USP6: variants seen among roughly 807,000 people sequenced by gnomAD.
The protein encoded by USP6 is ubiquitin specific peptidase 6, also known as ubiquitin carboxyl-terminal hydrolase 6.
In USP6, 128 loss-of-function variants were observed where a neutral mutation model predicts 175.7. The observed-to-expected ratio is 0.73, with a 90% CI of 0.63 to 0.84. USP6 has a LOEUF of 0.84. Among genes scored for constraint, USP6 ranks in the 40% least tolerant of loss-of-function variants. The pLI, the probability that USP6 is intolerant of heterozygous loss-of-function variation, is 0.00. For synonymous variants in USP6, 562 were observed against 630.6 expected, an observed-to-expected ratio of 0.89 and a Z score of 1.63; for missense variants, 1,498 against 1,760.3, an observed-to-expected ratio of 0.85 and a Z score of 2.67.
chr17:5,133,752 A>T, intron 14 of USP6, 135 bp from the exon 15 acceptor site: 4 of 1,190,894 alleles, frequency 3.4e-6, no homozygotes, highest in Non-Finnish European at 4.9e-6. Flanking sequence ...CAAGCCAAAA[A>T]GCAGCTTTCT....
At chr17:5,123,634 AGCAGGACAGGGACCC>A (rs1167976999) in intron 4 of USP6, among the ~76,000 whole-genome samples, 1 of 152,162 alleles carries the variant, frequency 6.6e-6, no homozygotes, top group Non-Finnish European at 1.5e-5. Flanking sequence ...GCGGGGAGCC[AGCAGGACAGGGACCC>A]GCAGAACGCA....
chr17:5,162,965 C>T lies in USP6; in HGVS notation c.2997C>T (p.Pro999=). ...CCTATATTGCTGTGGATTGGCACCCCACAGCCCTTCACCTTCGCTATCAAA... is the reference window on the plus strand; with the variant it reads ...CCTATATTGCTGTGGATTGGCACCCTACAGCCCTTCACCTTCGCTATCAAA... ...GNAYIAVDWH[P]TALHLRYQTS... is the part of the protein sequence containing the mutation. The change falls in exon 33 of 38, where the codon CCC becomes CCT. Residue 999 remains proline (P), a synonymous_variant. Coordinates refer to ENST00000574788, the MANE Select transcript of USP6 (RefSeq NM_001304284.2). 1 of 1,597,754 alleles carries T rather than the reference C, an allele frequency of 6.3e-7. No individual in the cohort carries two copies. The highest frequency in any genetic ancestry group is 8.5e-7 in the Non-Finnish European group (1 of 1,176,174).
chr17:5,132,373 G>A lies in USP6; in HGVS notation c.156-23G>A, dbSNP rs1251913341. 1.2e-6 allele frequency: 2 copies of A among 1,612,208 alleles called. No homozygotes were observed. The highest frequency in any genetic ancestry group is 2.2e-5 in the South Asian group (2 of 90,998). ...GCTCCAGGCCCTGTGCACGTCCTCA[G>A]CTCTGCCTGGGTTGCCTTACAGTGA... On this transcript the variant is annotated intron_variant, in intron 11 of 37. Transcript: ENST00000574788. The surrounding 1 kb of genome is among the most constrained non-coding windows in gnomAD (Gnocchi z 4.7).
Position 5,149,402 on chromosome 17 carries a change from C to CA in USP6, c.2643+644dup, listed in dbSNP as rs556262395. 1.2e-3 allele frequency among the ~76,000 whole-genome samples: 171 copies of CA among 148,354 alleles called. 2 individuals carry two copies. The East Asian group carries it at 0.012, about 10-fold the overall frequency. On this transcript the variant is annotated intron_variant, in intron 30 of 37. Coordinates refer to ENST00000574788, the MANE Select transcript of USP6 (RefSeq NM_001304284.2). ...TGGGTGGTAAAGCGAGACTTCATCT[C>CA]AAAAAAAAACAAAAACAAAAACAAA...
intron 36 of USP6, 91 bp from the exon 37 acceptor site, chr17:5,171,496 G>C (rs1428732443): frequency 1.7e-6 from 2 of 1,191,822 alleles, no homozygotes; most frequent in African/African-American, 3.1e-5. Flanking sequence ...TCATTTACAT[G>C]ATCAGTGTTC....
intron 30 of USP6, among the ~76,000 whole-genome samples, chr17:5,150,292 A>AAAAAAATT (rs2073728127): frequency 7.6e-6 from 1 of 131,542 alleles, no homozygotes; most frequent in Admixed American, 8.2e-5. Flanking sequence ...AACTCCGTCT[A>AAAAAAATT]AAAAAATAAA....
chr17:5,157,271 A>G (rs2073904135), intron 31 of USP6, among the ~76,000 whole-genome samples: 1 of 152,018 alleles, frequency 6.6e-6, no homozygotes, highest in South Asian at 2.1e-4. Flanking sequence ...TTTTCAGTAC[A>G]GGCAGGGTTT....
At chr17:5,120,451 G>A (rs1449891691) in intron 2 of USP6, among the ~76,000 whole-genome samples, 176 bp from the exon 3 acceptor site, 1 of 152,188 alleles carries the variant, frequency 6.6e-6, no homozygotes, top group Non-Finnish European at 1.5e-5. Flanking sequence ...AGCCCTGTAT[G>A]TTTGAGTAAT....
chr17:5,135,110 A>G, intron 15 of USP6, 124 bp from the exon 16 acceptor site: 1 of 1,092,402 alleles, frequency 9.2e-7, no homozygotes, highest in Middle Eastern at 2.0e-4. Flanking sequence ...CAGGCCCTGA[A>G]GAGCTCACTG....
Position 5,121,485 on chromosome 17 carries a change from G to A in USP6, c.-1564G>A. 1 of 240,876 alleles carries A rather than the reference G, an allele frequency of 4.2e-6. No homozygotes were observed. Among genetic ancestry groups the A allele is most frequent in the Non-Finnish European group, 8.2e-6 (1 of 122,070 alleles). 14.9% of individuals were successfully genotyped at this position (240,876 alleles called of 1,614,324 possible). ...GCAGAACCTGAGCCATCCCAGCTCA[G>A]CAAGGTAGGGCCTCTGTCCCCTCCC... is the stretch of plus-strand genomic sequence containing the variant. On this transcript the variant is annotated 5_prime_UTR_variant, in exon 4 of 38. Coordinates refer to ENST00000574788, the MANE Select transcript of USP6 (RefSeq NM_001304284.2).
At position 5,171,653 on chromosome 17, in the gene USP6, T is replaced by C. The variant is rs767677562; in HGVS notation, c.4021T>C (p.Tyr1341His). The change falls in exon 37 of 38, where the codon TAC becomes CAC. Residue 1341 changes from tyrosine (Y) to histidine (H), a missense_variant. Physicochemically the swap from Tyr to His is moderately conservative, Grantham distance 83 (BLOSUM62 2). This residue lies in a region of USP6 where 1,217 missense variants were observed against 1,500.8 expected (regional missense o/e 0.81). Coordinates refer to ENST00000574788, the MANE Select transcript of USP6 (RefSeq NM_001304284.2). The part of the protein sequence containing the change: ...TYAKNPNCKW[Y>H]CYNDSSCEEL... The stretch of plus-strand genomic sequence containing the variant: ...TGCCAAAAACCCAAACTGCAAGTGG[T>C]ACTGTTATAATGACAGCAGCTGTGA... The C allele has an allele frequency of 1.2e-5, 19 of 1,613,762 alleles. No homozygotes were observed. The East Asian group carries it at 4.2e-4, about 36-fold the overall frequency.
chr17:5,142,454 G>C lies in USP6; in HGVS notation c.1770G>C (p.Gln590His), dbSNP rs1421520635. 6.2e-7 allele frequency: 1 copy of C among 1,613,934 alleles called. No homozygotes were observed. Among genetic ancestry groups the C allele is most frequent in the Admixed American group, 1.7e-5 (1 of 60,016 alleles). Residue 590 changes from glutamine (Q) to histidine (H), a missense_variant, in exon 25 of 38, where the codon CAG becomes CAC. This residue lies in a region of USP6 where 1,217 missense variants were observed against 1,500.8 expected (regional missense o/e 0.81). Transcript: ENST00000574788. ...HMAKCYGDLV[Q>H]ELWSGTQKSV... ...CTAAATGCTATGGTGATTTAGTGCA[G>C]GAACTCTGGAGTGGAACTCAGAAGA... is the stretch of plus-strand genomic sequence containing the variant.
chr17:5,156,519 T>C (rs2073888661), intron 31 of USP6, among the ~76,000 whole-genome samples: 1 of 152,144 alleles, frequency 6.6e-6, no homozygotes, highest in Non-Finnish European at 1.5e-5. Flanking sequence ...TTGGTCAGGC[T>C]GGTCTCAAAT....
In USP6 at chr17:5,148,807, G is replaced by A. The variant is rs564134389; in HGVS notation, c.2643+40G>A. ...AGGCAACTCACTGCCAGTCTTGCTA[G>A]TGTCATTTGTGAAATAGCCATTTTC... On this transcript the variant is annotated intron_variant, in intron 30 of 37. Coordinates refer to ENST00000574788, the MANE Select transcript of USP6 (RefSeq NM_001304284.2). 128 of 1,596,098 alleles carry A rather than the reference G, an allele frequency of 8.0e-5. 1 individual carries two copies. In the South Asian group the frequency reaches 1.3e-3, roughly 17 times the overall value.
intron 19 of USP6, 114 bp downstream of exon 19, chr17:5,137,300 C>T (rs1598015644): frequency 3.6e-6 from 5 of 1,374,356 alleles, no homozygotes; most frequent in Non-Finnish European, 5.1e-6. Flanking sequence ...CAGGCGGGTC[C>T]CCGAAGGACA....
At chr17:5,120,946 C>T (rs2072642958) in intron 3 of USP6, among the ~76,000 whole-genome samples, 158 bp downstream of exon 3, 1 of 152,262 alleles carries the variant, frequency 6.6e-6, no homozygotes. Context: ...AAATGTGAGG[C>T]TCAGAGAGGA....
At chr17:5,141,543 A>G (rs2073448217) in intron 23 of USP6, 44 bp downstream of exon 23, 1 of 1,499,948 alleles carries the variant, frequency 6.7e-7, no homozygotes, top group African/African-American at 1.4e-5. Context: ...TTTTAAATGT[A>G]TTTTTTTTCT....
Position 5,130,626 on chromosome 17 carries a change from G to C in USP6, c.97G>C (p.Asp33His), listed in dbSNP as rs1401005276. The change falls in exon 11 of 38, where the codon GAC becomes CAC. Residue 33 changes from aspartate to histidine, a missense_variant. Physicochemically the swap from Asp to His is moderately conservative, Grantham distance 81. Around this residue, in one of 2 missense-constraint regions of USP6, gnomAD observed 281 missense variants for 259.6 expected, o/e 1.08. Coordinates refer to ENST00000574788, the MANE Select transcript of USP6 (RefSeq NM_001304284.2). ...DKGHRAGLPE[D>H]KGPEPVGINS... ...GGGACACCGAGCTGGGCTGCCAGAG[G>C]ACAAGGGGCCTGAGCCCGTTGGAAT... 1.9e-6 allele frequency: 3 copies of C among 1,613,806 alleles called. No homozygotes were observed. The African/African-American group carries it at 4.0e-5, about 22-fold the overall frequency.
At chr17:5,130,568 T>C (rs748493238) in intron 10 of USP6, 34 bp from the exon 11 acceptor site, 1 of 1,612,890 alleles carries the variant, frequency 6.2e-7, no homozygotes, top group Non-Finnish European at 8.5e-7. Flanking sequence ...CCCTTTACCT[T>C]GGACCCCTCA....
Sources: gnomAD v4.1 joint callset for allele counts (sites outside exome capture counted in the v4.1 genomes callset) on GRCh38, gnomAD v4.1.1 for gene constraint, gnomAD v4.1.1 regional missense constraint, Gnocchi (gnomAD v3.1) non-coding constraint, MANE v1.5 for transcripts, NCBI Gene and HGNC (gene_info 2026-07-23, HGNC 2026-07-21) for gene names.